The following PTPRM variants were observed in gnomAD, a reference collection of about 807,000 sequenced individuals.
PTPRM encodes receptor-type tyrosine-protein phosphatase mu.
In PTPRM, 47 loss-of-function variants were observed where a neutral mutation model predicts 186.7. That is an observed-to-expected ratio of 0.25 (90% confidence interval 0.20 to 0.32). The LOEUF (loss-of-function observed/expected upper bound fraction) is 0.32. Among genes scored for constraint, PTPRM ranks in the 10% least tolerant of loss-of-function variants. PTPRM has a pLI of 1.00. For missense variants in PTPRM, 1,494 were observed against 1,865.0 expected, an observed-to-expected ratio of 0.80 and a Z score of 3.66; for synonymous variants, 668 against 674.9, an observed-to-expected ratio of 0.99 and a Z score of 0.16.
At chr18:8,076,699 T>C (rs2148486137) in intron 9 of PTPRM, 135 bp downstream of exon 9, 1 of 502,934 alleles carries the variant, frequency 2.0e-6, no homozygotes, top group Non-Finnish European at 3.5e-6. Flanking sequence ...GTTATAATGG[T>C]TGTTATATAG....
intron 7 of PTPRM, among the ~76,000 whole-genome samples, chr18:7,982,571 G>A (rs992588868): frequency 2.0e-5 from 3 of 151,432 alleles, no homozygotes; most frequent in Non-Finnish European, 4.4e-5. Flanking sequence ...TATTAAAAAA[G>A]TATATTATAG....
At chr18:8,189,893 C>T (rs1016653511) in intron 14 of PTPRM, among the ~76,000 whole-genome samples, 1 of 152,210 alleles carries the variant, frequency 6.6e-6, no homozygotes, top group Non-Finnish European at 1.5e-5. Context: ...TCTTTCTCTG[C>T]AGTCACTTTT....
chr18:8,387,030 T>C (rs1044946932), intron 30 of PTPRM, 42 bp from the exon 31 acceptor site: 2 of 1,530,312 alleles, frequency 1.3e-6, no homozygotes, highest in Non-Finnish European at 1.8e-6. Context: ...AAATAATGCC[T>C]GTTTTCTTTC....
intron 2 of PTPRM, among the ~76,000 whole-genome samples, chr18:7,861,190 A>G (rs902306602): frequency 2.0e-5 from 3 of 152,118 alleles, no homozygotes; most frequent in African/African-American, 4.8e-5. Flanking sequence ...TGAGTTCTAC[A>G]TGGCTGAATG....
At chr18:8,213,836 A>G (rs1428327407) in intron 14 of PTPRM, among the ~76,000 whole-genome samples, 1 of 152,220 alleles carries the variant, frequency 6.6e-6, no homozygotes, top group African/African-American at 2.4e-5. Context: ...TCACAATTGC[A>G]AAGATACGGA....
At chr18:8,227,001 C>G (rs2094221643) in intron 14 of PTPRM, among the ~76,000 whole-genome samples, 1 of 152,224 alleles carries the variant, frequency 6.6e-6, no homozygotes, top group South Asian at 2.1e-4. Context: ...TGTGATAACA[C>G]TGGCCCACTT....
At chr18:8,208,399 A>G (rs1348136173) in intron 14 of PTPRM, among the ~76,000 whole-genome samples, 1 of 152,172 alleles carries the variant, frequency 6.6e-6, no homozygotes, top group East Asian at 1.9e-4. Flanking sequence ...TTCTGATGGG[A>G]GGAGATAGAA....
At chr18:8,067,824 C>G (rs1473031419) in intron 7 of PTPRM, among the ~76,000 whole-genome samples, 3 of 152,090 alleles carry the variant, frequency 2.0e-5, no homozygotes, top group African/African-American at 7.2e-5. Flanking sequence ...TGGCCTTGAC[C>G]CTCTCGTCTA....
chr18:8,152,370 T>C (rs1362197950), intron 14 of PTPRM, among the ~76,000 whole-genome samples: 2 of 152,164 alleles, frequency 1.3e-5, no homozygotes, highest in East Asian at 3.9e-4. Context: ...AATATTCCAG[T>C]ATAGATACAT....
At chr18:7,801,854 A>T (rs998791937) in intron 2 of PTPRM, among the ~76,000 whole-genome samples, 5 of 152,104 alleles carry the variant, frequency 3.3e-5, no homozygotes, top group Non-Finnish European at 5.9e-5. Context: ...GTGGTGCATG[A>T]TTGTATATTT....
At chr18:7,631,010 T>A in intron 1 of PTPRM, among the ~76,000 whole-genome samples, 1 of 152,282 alleles carries the variant, frequency 6.6e-6, no homozygotes, top group African/African-American at 2.4e-5. Flanking sequence ...TTTAATTGAG[T>A]ATCAAATTAA....
chr18:8,194,349 G>A (rs940467909), intron 14 of PTPRM, among the ~76,000 whole-genome samples: 1 of 152,208 alleles, frequency 6.6e-6, no homozygotes, highest in Non-Finnish European at 1.5e-5. Context: ...TGAGTTTTGA[G>A]TTGGTGGGAA....
At chr18:8,122,756 C>A (rs980890131) in intron 13 of PTPRM, among the ~76,000 whole-genome samples, 2 of 152,188 alleles carry the variant, frequency 1.3e-5, no homozygotes, top group Admixed American at 6.5e-5. Context: ...ATACATTTAG[C>A]TATACACAAT....
intron 7 of PTPRM, among the ~76,000 whole-genome samples, chr18:8,059,196 A>G (rs1478893806): frequency 7.4e-5 from 11 of 147,702 alleles, no homozygotes; most frequent in East Asian, 2.0e-4. Flanking sequence ...ATTCCTAGGT[A>G]TTTTATTCTC....
At chr18:8,303,874 A>G (rs1458516247) in intron 20 of PTPRM, among the ~76,000 whole-genome samples, 1 of 152,206 alleles carries the variant, frequency 6.6e-6, no homozygotes, top group East Asian at 1.9e-4. Flanking sequence ...GCACTTCCTG[A>G]GTTGCAGGCA....
At chr18:8,303,042 G>A (rs1286884375) in intron 20 of PTPRM, among the ~76,000 whole-genome samples, 2 of 152,154 alleles carry the variant, frequency 1.3e-5, no homozygotes, top group Admixed American at 1.3e-4. Context: ...TCATATGGGT[G>A]GTGGTAGAAG....
At chr18:8,017,182 G>A (rs1385365195) in intron 7 of PTPRM, among the ~76,000 whole-genome samples, 2 of 152,102 alleles carry the variant, frequency 1.3e-5, no homozygotes, top group Non-Finnish European at 2.9e-5. Context: ...GTTTTACACA[G>A]TATATCACAT....
At chr18:7,866,861 CTGGGTGCTTCTG>C (rs1425211897) in intron 2 of PTPRM, among the ~76,000 whole-genome samples, 1 of 152,158 alleles carries the variant, frequency 6.6e-6, no homozygotes, top group African/African-American at 2.4e-5. Context: ...CTTTATGAAT[CTGGGTGCTTCTG>C]TATCGGGTGC....
At chr18:7,847,782 A>T (rs1157252193) in intron 2 of PTPRM, among the ~76,000 whole-genome samples, 1 of 152,142 alleles carries the variant, frequency 6.6e-6, no homozygotes, top group African/African-American at 2.4e-5. Flanking sequence ...AACCCAAATG[A>T]TGTATTCACT....
Sources: allele counts gnomAD v4.1 joint callset (sites outside exome capture counted in the v4.1 genomes callset), GRCh38; gene constraint gnomAD v4.1.1; transcripts MANE v1.5; gene names NCBI Gene and HGNC (gene_info 2026-07-23, HGNC 2026-07-21).